BICRA: variants seen among roughly 807,000 people sequenced by gnomAD.
BICRA encodes BRD4 interacting chromatin remodeling complex associated protein.
In BICRA, 31 loss-of-function variants were observed where a neutral mutation model predicts 96.9. The ratio of observed to expected loss-of-function variants is 0.32; its 90% confidence interval spans 0.24 to 0.43. BICRA has a LOEUF of 0.43. Ranked by LOEUF, BICRA falls within the 20% of genes least tolerant of loss-of-function variation. The probability of loss-of-function intolerance (pLI) is 1.00; values close to 1 mark genes in which losing one functional copy is unlikely to be tolerated. For missense variants in BICRA, 2,283 were observed against 2,190.3 expected, an observed-to-expected ratio of 1.04 and a Z score of -0.84; for synonymous variants, 1,350 against 1,071.8, an observed-to-expected ratio of 1.26 and a Z score of -5.07.
chr19:47,688,692 G>A (rs1183764230), intron 7 of BICRA, among the ~76,000 whole-genome samples: 6 of 152,100 alleles, frequency 3.9e-5, no homozygotes, highest in Non-Finnish European at 8.8e-5. Flanking sequence ...AGGAGGCTGA[G>A]GCAGGAGAAT....
At chr19:47,633,236 C>A (rs556309345) in intron 1 of BICRA, among the ~76,000 whole-genome samples, 1 of 151,798 alleles carries the variant, frequency 6.6e-6, no homozygotes, top group African/African-American at 2.4e-5. Flanking sequence ...CCCGCCACCA[C>A]GCCCGACTAA....
At chr19:47,641,255 A>G (rs1972382473) in intron 1 of BICRA, among the ~76,000 whole-genome samples, 1 of 151,876 alleles carries the variant, frequency 6.6e-6, no homozygotes, top group African/African-American at 2.4e-5. Context: ...GGTATAATTT[A>G]TGTACAGTGT....
At chr19:47,658,963 C>T (rs765656484) in intron 1 of BICRA, among the ~76,000 whole-genome samples, 1 of 152,172 alleles carries the variant, frequency 6.6e-6, no homozygotes, top group Non-Finnish European at 1.5e-5. Context: ...ATTTCCGCCA[C>T]CCACCCCGAA....
In BICRA at chr19:47,676,648, C is replaced by G. The variant is rs891219926; in HGVS notation, c.150+732C>G. ...CCTCTTCATCATCAGAACACGCATT[C>G]ACCAAACACTTATTATACGACCAGC... On this transcript the variant is annotated intron_variant, in intron 5 of 14. Coordinates refer to ENST00000594866, the MANE Select transcript of BICRA (RefSeq NM_001394372.1). 8.1e-5 allele frequency among the ~76,000 whole-genome samples: 12 copies of G among 147,768 alleles called. No individual in the cohort carries two copies. The Admixed American group carries it at 8.2e-4, about 10-fold the overall frequency.
intron 6 of BICRA, among the ~76,000 whole-genome samples, 161 bp from the exon 7 acceptor site, chr19:47,681,815 G>T (rs1243597602): frequency 6.6e-6 from 1 of 152,124 alleles, no homozygotes; most frequent in Non-Finnish European, 1.5e-5. Flanking sequence ...GGAGCAGGCT[G>T]CCTGGGTTTC....
At chr19:47,676,107 G>C (rs562155411) in intron 5 of BICRA, among the ~76,000 whole-genome samples, 191 bp downstream of exon 5, 57 of 152,214 alleles carry the variant, frequency 3.7e-4, no homozygotes, top group Non-Finnish European at 7.4e-4. Flanking sequence ...GGAACCCTGT[G>C]GGGGGCCAAC....
chr19:47,659,960 A>C (rs891670504), intron 1 of BICRA, among the ~76,000 whole-genome samples: 1 of 152,166 alleles, frequency 6.6e-6, no homozygotes, highest in African/African-American at 2.4e-5. Context: ...TGTGTTGCCC[A>C]GGCTACATAT....
chr19:47,670,869 CA>C (rs1416304020), intron 2 of BICRA, among the ~76,000 whole-genome samples: 1 of 152,026 alleles, frequency 6.6e-6, no homozygotes, highest in Non-Finnish European at 1.5e-5. Flanking sequence ...CCTGGTGACA[CA>C]GGGGGAGGAA....
intron 1 of BICRA, among the ~76,000 whole-genome samples, chr19:47,638,333 G>A (rs1269780456): frequency 1.3e-5 from 2 of 152,178 alleles, no homozygotes; most frequent in African/African-American, 4.8e-5. Context: ...ATAGGGAGAG[G>A]GCCAAGCCTG....
At chr19:47,614,860 C>T (rs1971960695) in intron 1 of BICRA, among the ~76,000 whole-genome samples, 1 of 152,130 alleles carries the variant, frequency 6.6e-6, no homozygotes, top group African/African-American at 2.4e-5. Flanking sequence ...CATACGTCCG[C>T]ACATGTTACA....
chr19:47,694,337 G>A lies in BICRA; in HGVS notation c.2506G>A (p.Val836Ile). The part of the protein sequence containing the change: ...QAPPTLPGIF[V>I]IQNQLGVPPP... The stretch of plus-strand genomic sequence containing the variant: ...CCCCCCAACTCTGCCTGGCATCTTT[G>A]TCATCCAAAACCAGCTAGGCGTTCC... The change falls in exon 8 of 15, where the codon GTC (valine) becomes ATC (isoleucine). Residue 836 changes from valine (V) to isoleucine (I), a missense_variant. Coordinates refer to ENST00000594866, the MANE Select transcript of BICRA (RefSeq NM_001394372.1). 8.5e-7 allele frequency: 1 copy of A among 1,173,308 alleles called. No individual in the cohort carries two copies. The highest frequency in any genetic ancestry group is 1.2e-6 in the Non-Finnish European group (1 of 830,992). 72.7% of individuals were successfully genotyped at this position (1,173,308 alleles called of 1,614,324 possible). A position where few individuals can be genotyped will look rare whatever the true frequency, so the allele number is the denominator to read the frequency against.
chr19:47,648,838 C>T lies in BICRA; in HGVS notation c.-107-21605C>T, dbSNP rs1183671141. Among the ~76,000 whole-genome samples, 6 of 151,684 alleles carry T rather than the reference C, an allele frequency of 4.0e-5. No homozygotes were observed. In the South Asian group the frequency reaches 6.3e-4, roughly 16 times the overall value. On this transcript the variant is annotated intron_variant, in intron 1 of 14. Coordinates refer to ENST00000594866, the MANE Select transcript of BICRA (RefSeq NM_001394372.1). ...AGTAGCTGGGACTACAGGCGTGCACCACCACGCTGGGCTATTTTTTTTTTT... is the reference window on the plus strand; with the variant it reads ...AGTAGCTGGGACTACAGGCGTGCACTACCACGCTGGGCTATTTTTTTTTTT...
At chr19:47,654,016 G>A (rs1214344333) in intron 1 of BICRA, among the ~76,000 whole-genome samples, 1 of 152,000 alleles carries the variant, frequency 6.6e-6, no homozygotes, top group Non-Finnish European at 1.5e-5. Context: ...GTTTTTGTGT[G>A]GACATATGTT....
At position 47,702,466 on chromosome 19, in the gene BICRA, A is replaced by AGCCGG. The variant is rs1568583002; in HGVS notation, c.*52_*53insCCGGG. On this transcript the variant is annotated 3_prime_UTR_variant, in exon 15 of 15. Coordinates refer to ENST00000594866, the MANE Select transcript of BICRA (RefSeq NM_001394372.1). ...CCCCTCCTCCCGAAGACGCCGGGAC[A>AGCCGG]GTCGGGTGTCCGCCCTCAGCCTCCT... The AGCCGG allele has an allele frequency of 1.0e-4, 149 of 1,422,316 alleles. 1 individual carries two copies. Among genetic ancestry groups the AGCCGG allele is most frequent in the Non-Finnish European group, 1.3e-4 (142 of 1,098,830 alleles). 88.1% of individuals were successfully genotyped at this position (1,422,316 alleles called of 1,614,324 possible).
chr19:47,682,144 GCC>G lies in BICRA; in HGVS notation c.2280_2281del (p.Gln761AspfsTer109). ...APDSQASPAP[A>X]PQIPAAAPLK... ...CGACAGCCAGGCTTCCCCGGCTCCG[GCC>G]CCCCAGGTAGAGGGACCCCAGCAGC... On this transcript the variant is annotated frameshift_variant, in exon 7 of 15. Transcript: ENST00000594866. LOFTEE classifies it high-confidence loss of function. 1 of 1,458,866 alleles carries G rather than the reference GCC, an allele frequency of 6.9e-7. No individual in the cohort carries two copies. Among genetic ancestry groups the G allele is most frequent in the Non-Finnish European group, 9.3e-7 (1 of 1,076,094 alleles). The allele number at this position is 1,458,866 out of a possible 1,614,324, so 90.4% of individuals were successfully genotyped here. A position where few individuals can be genotyped will look rare whatever the true frequency, so the allele number is the denominator to read the frequency against.
chr19:47,696,897 G>C (rs377583686), intron 11 of BICRA, among the ~76,000 whole-genome samples: 10 of 152,030 alleles, frequency 6.6e-5, no homozygotes, highest in African/African-American at 1.7e-4. Flanking sequence ...ATGATGGGGG[G>C]GGTGTTTGGG....
At chr19:47,652,526 T>C (rs4802379) in intron 1 of BICRA, among the ~76,000 whole-genome samples, 52,310 of 151,990 alleles carry the variant, frequency 0.34, 9,475 homozygotes, top group East Asian at 0.59. Flanking sequence ...TCAGGCAGTG[T>C]GGCATCTTGG....
At chr19:47,668,922 C>A (rs1972823441) in intron 1 of BICRA, among the ~76,000 whole-genome samples, 1 of 151,610 alleles carries the variant, frequency 6.6e-6, no homozygotes, top group South Asian at 2.1e-4. Flanking sequence ...GAATTTGAGA[C>A]CAGCCTGGCC....
rs575286781 is a variant in BICRA at position 47,694,410 on chromosome 19, C to G, written c.2579C>G (p.Pro860Arg). The change falls in exon 8 of 15, where the codon CCG becomes CGG. Residue 860 changes from proline to arginine, a missense_variant. Pro to Arg is a moderately radical substitution (Grantham distance 103). Coordinates refer to ENST00000594866, the MANE Select transcript of BICRA (RefSeq NM_001394372.1). ...CCTACTGCCCCAGGCCCGCCGCAGC[C>G]GCCTCTCCGCCCCCAGTCCCAGCCG... Reference protein sequence around the residue: ...PAPTAPGPPQPPLRPQSQPPE... With the variant: ...PAPTAPGPPQRPLRPQSQPPE... 28 of 1,036,228 alleles carry G rather than the reference C, an allele frequency of 2.7e-5. No individual in the cohort carries two copies. In the African/African-American group the frequency reaches 3.9e-4, roughly 14 times the overall value. 64.2% of individuals were successfully genotyped at this position (1,036,228 alleles called of 1,614,324 possible).
Sources: gnomAD v4.1 joint callset for allele counts (sites outside exome capture counted in the v4.1 genomes callset) on GRCh38, gnomAD v4.1.1 for gene constraint, MANE v1.5 for transcripts, NCBI Gene and HGNC (gene_info 2026-07-23, HGNC 2026-07-21) for gene names.